Variants in DNAH3 observed in about 807,000 individuals in gnomAD.
DNAH3 encodes dynein axonemal heavy chain 3.
A neutral mutation model predicts 432.5 loss-of-function variants in DNAH3; 332 were observed. The ratio of observed to expected loss-of-function variants is 0.77; its 90% CI spans 0.70 to 0.84. The LOEUF (loss-of-function observed/expected upper bound fraction) is 0.84, where lower values mean the gene tolerates loss of function less well. DNAH3 is among the 40% of genes least tolerant of loss of function. The probability of loss-of-function intolerance (pLI) is 0.00; values close to 1 mark genes in which losing one functional copy is unlikely to be tolerated. For synonymous variants in DNAH3, 1,956 were observed against 1,900.2 expected (o/e 1.03, Z -0.76); for missense variants, 4,861 against 5,114.0 (o/e 0.95, Z 1.51).
chr16:21,081,381 T>TAAA (rs56977749), intron 20 of DNAH3, among the ~76,000 whole-genome samples: 119 of 144,108 alleles, frequency 8.3e-4, no homozygotes, highest in African/African-American at 2.7e-3. Context: ...CAAAGAACAT[T>TAAA]AAAAAAAAAA....
chr16:21,080,205 G>A (rs1407400321), intron 20 of DNAH3, among the ~76,000 whole-genome samples: 3 of 152,142 alleles, frequency 2.0e-5, no homozygotes, highest in Non-Finnish European at 4.4e-5. Context: ...GCTGAGGCAG[G>A]AGAATCACTT....
intron 12 of DNAH3, among the ~76,000 whole-genome samples, chr16:21,114,158 C>T (rs1019396421): frequency 2.0e-5 from 3 of 152,154 alleles, no homozygotes; most frequent in East Asian, 1.9e-4. Flanking sequence ...ATTTTCCAAC[C>T]TTAGTTGACC....
chr16:21,000,547 G>A (rs773623833), intron 42 of DNAH3, 29 bp from the exon 43 acceptor site: 21 of 1,557,012 alleles, frequency 1.3e-5, no homozygotes, highest in South Asian at 9.9e-5. Context: ...GGAGAGTCTC[G>A]GTTGTGGGCC....
chr16:20,990,680 A>G (rs571503001), intron 44 of DNAH3, among the ~76,000 whole-genome samples: 2 of 152,260 alleles, frequency 1.3e-5, no homozygotes, highest in African/African-American at 4.8e-5. Context: ...AGTTTAGTAA[A>G]TCATTATAAG....
rs545605886 is a variant in DNAH3, at chr16:21,067,852, G to A, written c.3382-433C>T. Among the ~76,000 whole-genome samples the A allele has an allele frequency of 3.3e-3, 495 of 150,230 alleles. 2 individuals are homozygous for A. The highest frequency in any genetic ancestry group is 5.3e-3 in the Non-Finnish European group (359 of 67,698). On this transcript the variant is annotated intron_variant, in intron 23 of 61. Transcript: ENST00000261383. ...AGGAGCCAAGATCAGAGAGATGGAAGGAGTTCCTAAGAGAAGAGGCTTCTG... is the reference window on the plus strand; with the variant it reads ...AGGAGCCAAGATCAGAGAGATGGAAAGAGTTCCTAAGAGAAGAGGCTTCTG...
At chr16:20,969,952 T>C in exon 52 of DNAH3, 1 of 1,613,976 alleles carries the variant, frequency 6.2e-7, no homozygotes. Flanking sequence ...CAGCCTCGAG[T>C]GCAGGCATTG....
intron 14 of DNAH3, among the ~76,000 whole-genome samples, chr16:21,110,853 G>C (rs1317436841): frequency 6.6e-6 from 1 of 151,964 alleles, no homozygotes; most frequent in Non-Finnish European, 1.5e-5. Context: ...CAGCCTAGGG[G>C]ACAGAACAAG....
At chr16:21,143,632 T>C (rs1176423841) in intron 3 of DNAH3, among the ~76,000 whole-genome samples, 2 of 152,218 alleles carry the variant, frequency 1.3e-5, no homozygotes, top group African/African-American at 2.4e-5. Flanking sequence ...CTGTGTATCA[T>C]GATCTTGAAC....
At chr16:21,128,939 G>A (rs2092500649) in intron 7 of DNAH3, among the ~76,000 whole-genome samples, 1 of 151,942 alleles carries the variant, frequency 6.6e-6, no homozygotes, top group African/African-American at 2.4e-5. Flanking sequence ...CACTGTGAGG[G>A]TGAAGAAAGG....
intron 20 of DNAH3, 103 bp downstream of exon 20, chr16:21,081,533 G>C: frequency 1.1e-6 from 1 of 905,352 alleles, no homozygotes. Context: ...TACGCCACAA[G>C]GAAAAAAAAA....
chr16:21,041,709 T>C (rs2089450436), intron 32 of DNAH3, among the ~76,000 whole-genome samples: 1 of 152,168 alleles, frequency 6.6e-6, no homozygotes, highest in Non-Finnish European at 1.5e-5. Flanking sequence ...CACTCTTATC[T>C]CCTAGGCTGA....
chr16:21,154,266 G>A (rs1055968266), intron 1 of DNAH3, among the ~76,000 whole-genome samples: 2 of 152,214 alleles, frequency 1.3e-5, no homozygotes, highest in African/African-American at 2.4e-5. Flanking sequence ...TTAGCCGGGC[G>A]TGGTGGCAGG....
intron 12 of DNAH3, 62 bp from the exon 13 acceptor site, chr16:21,112,160 CAG>C: frequency 1.7e-6 from 2 of 1,144,758 alleles, no homozygotes; most frequent in Non-Finnish European, 2.6e-6. Flanking sequence ...TCAGATGAGT[CAG>C]AGTGGCAAAT....
intron 32 of DNAH3, among the ~76,000 whole-genome samples, chr16:21,040,358 A>ATTTTTTTTTTTTTTTT (rs55797285): frequency 3.8e-5 from 3 of 79,708 alleles, no homozygotes; most frequent in African/African-American, 5.6e-5. Flanking sequence ...AGCCAGACAG[A>ATTTTTTTTTTTTTTTT]TTTTTTTTTT....
At chr16:20,942,279 G>A (rs990883133) in intron 58 of DNAH3, among the ~76,000 whole-genome samples, 2 of 152,134 alleles carry the variant, frequency 1.3e-5, no homozygotes, top group Non-Finnish European at 2.9e-5. Flanking sequence ...GTGACACCTG[G>A]GAAAGCAGCA....
At chr16:21,043,024 G>A (rs916974413) in intron 31 of DNAH3, among the ~76,000 whole-genome samples, 5 of 152,152 alleles carry the variant, frequency 3.3e-5, no homozygotes, top group African/African-American at 1.2e-4. Context: ...TGGCTGCATA[G>A]TATTCCATGG....
intron 1 of DNAH3, among the ~76,000 whole-genome samples, chr16:21,153,487 A>G (rs997886141): frequency 6.6e-6 from 1 of 152,196 alleles, no homozygotes; most frequent in Non-Finnish European, 1.5e-5. Flanking sequence ...GGCTCTACCA[A>G]TCAGCAGGAT....
At chr16:21,086,098 G>C (rs769217432) in intron 19 of DNAH3, among the ~76,000 whole-genome samples, 12 of 152,150 alleles carry the variant, frequency 7.9e-5, no homozygotes, top group Non-Finnish European at 1.6e-4. Context: ...GGCCAAGTCA[G>C]AGAAGAATCT....
At chr16:21,132,181 T>A (rs1320685259) in intron 7 of DNAH3, among the ~76,000 whole-genome samples, 1 of 152,164 alleles carries the variant, frequency 6.6e-6, no homozygotes, top group African/African-American at 2.4e-5. Context: ...AATTCCTTTT[T>A]AAAATACAAG....
Sources: gnomAD v4.1 joint callset for allele counts (sites outside exome capture counted in the v4.1 genomes callset) on GRCh38, gnomAD v4.1.1 for gene constraint, MANE v1.5 for transcripts, NCBI Gene and HGNC (gene_info 2026-07-23, HGNC 2026-07-21) for gene names.